The following ADAMTS18 variants were observed in gnomAD, a reference collection of about 807,000 sequenced individuals.
The protein encoded by ADAMTS18 is ADAM metallopeptidase with thrombospondin type 1 motif 18.
Under a neutral mutation model 165.9 loss-of-function variants are expected in ADAMTS18, and 157 were observed. The observed-to-expected ratio is 0.95, with a 90% confidence interval of 0.83 to 1.08. ADAMTS18 has a LOEUF of 1.08. Ranked by LOEUF, ADAMTS18 falls within the 50% of genes least tolerant of loss-of-function variation. ADAMTS18 has a pLI of 0.00. For missense variants in ADAMTS18, 2,040 were observed against 1,534.0 expected, an observed-to-expected ratio of 1.33 and a Z score of -5.51; for synonymous variants, 782 against 578.2, an observed-to-expected ratio of 1.35 and a Z score of -5.06.
At chr16:77,328,902 T>G (rs1256092872) in intron 12 of ADAMTS18, among the ~76,000 whole-genome samples, 2 of 152,174 alleles carry the variant, frequency 1.3e-5, no homozygotes, top group Non-Finnish European at 2.9e-5. Context: ...ACAAAACTTG[T>G]TGAAAGAGGG....
At chr16:77,413,935 T>C (rs745525536) in intron 3 of ADAMTS18, among the ~76,000 whole-genome samples, 2 of 152,136 alleles carry the variant, frequency 1.3e-5, no homozygotes, top group Non-Finnish European at 2.9e-5. Context: ...AAAAGAAACA[T>C]TTAATTTAGT....
chr16:77,379,972 T>C (rs1329643560), intron 3 of ADAMTS18, among the ~76,000 whole-genome samples: 1 of 152,324 alleles, frequency 6.6e-6, no homozygotes, highest in East Asian at 1.9e-4. Flanking sequence ...GCAGTGTCTA[T>C]GCACTCTCAG....
At chr16:77,370,271 A>C (rs1246002520) in intron 3 of ADAMTS18, among the ~76,000 whole-genome samples, 2 of 152,246 alleles carry the variant, frequency 1.3e-5, no homozygotes, top group African/African-American at 2.4e-5. Context: ...AGGGCATTCA[A>C]CTTAGAAAGG....
chr16:77,302,326 A>T (rs192789879), intron 16 of ADAMTS18, among the ~76,000 whole-genome samples: 3 of 152,328 alleles, frequency 2.0e-5, no homozygotes, highest in Non-Finnish European at 4.4e-5. Flanking sequence ...TTTCAAATGT[A>T]GCACTTATTT....
chr16:77,317,537 T>C (rs748313350), intron 16 of ADAMTS18, among the ~76,000 whole-genome samples: 1 of 152,234 alleles, frequency 6.6e-6, no homozygotes, highest in African/African-American at 2.4e-5. Context: ...TTCCGCCACG[T>C]TGGCCCAGCT....
chr16:77,311,184 A>G (rs1431929559), intron 16 of ADAMTS18, among the ~76,000 whole-genome samples: 1 of 152,192 alleles, frequency 6.6e-6, no homozygotes, highest in Admixed American at 6.5e-5. Flanking sequence ...TTACATCATC[A>G]TAAGGACTTA....
chr16:77,338,645 A>G (rs1164346326), intron 11 of ADAMTS18, among the ~76,000 whole-genome samples: 2 of 151,936 alleles, frequency 1.3e-5, no homozygotes, highest in African/African-American at 4.8e-5. Flanking sequence ...CCGTGCACAC[A>G]TATTTCTAGA....
chr16:77,359,014 A>T (rs897910241), intron 8 of ADAMTS18, among the ~76,000 whole-genome samples: 4 of 152,026 alleles, frequency 2.6e-5, no homozygotes, highest in African/African-American at 7.3e-5. Flanking sequence ...TGCATAAAGA[A>T]TCAGCTAGAA....
rs76643293 is a variant in ADAMTS18, at chr16:77,284,088, T to C, written c.3551-17A>G. 1.5e-5 allele frequency: 23 copies of C among 1,549,928 alleles called. No homozygotes were observed. In the East Asian group the frequency reaches 4.7e-4, roughly 32 times the overall value. ...ATGGATCCTCTAAAATAAGAAAATA[T>C]ATTTAGCATGTTGGCTAGGGTGTCT... On this transcript the variant is annotated splice_polypyrimidine_tract_variant and intron_variant, in intron 22 of 22. Coordinates refer to ENST00000282849, the MANE Select transcript of ADAMTS18 (RefSeq NM_199355.4).
chr16:77,381,543 C>A (rs1382462245), intron 3 of ADAMTS18, among the ~76,000 whole-genome samples: 1 of 152,148 alleles, frequency 6.6e-6, no homozygotes, highest in Non-Finnish European at 1.5e-5. Context: ...GTGGCTCACG[C>A]CTGTAATCCC....
At chr16:77,423,047 C>T (rs969481874) in intron 3 of ADAMTS18, among the ~76,000 whole-genome samples, 4 of 152,208 alleles carry the variant, frequency 2.6e-5, no homozygotes, top group African/African-American at 7.2e-5. Flanking sequence ...TCCCTAGGCT[C>T]TACCCAGGAC....
intron 10 of ADAMTS18, among the ~76,000 whole-genome samples, chr16:77,342,615 T>C (rs898781369): frequency 6.6e-6 from 1 of 152,202 alleles, no homozygotes; most frequent in East Asian, 1.9e-4. Context: ...TATTGCAGTT[T>C]TCAAATATGT....
chr16:77,334,778 AG>A (rs1274873650), intron 12 of ADAMTS18, among the ~76,000 whole-genome samples: 12 of 104,748 alleles, frequency 1.1e-4, no homozygotes, highest in African/African-American at 3.8e-4. Flanking sequence ...TATATACTAT[AG>A]TATACAGTAA....
chr16:77,306,015 C>T (rs1449424511), intron 16 of ADAMTS18, among the ~76,000 whole-genome samples: 1 of 152,174 alleles, frequency 6.6e-6, no homozygotes, highest in East Asian at 1.9e-4. Context: ...CCGCATCCCT[C>T]CCGTAATGGC....
intron 3 of ADAMTS18, among the ~76,000 whole-genome samples, chr16:77,401,795 G>T (rs902651648): frequency 1.3e-5 from 2 of 152,158 alleles, no homozygotes; most frequent in African/African-American, 4.8e-5. Flanking sequence ...GAGGAAGGAT[G>T]AATTTGATCT....
Position 77,434,488 on chromosome 16 carries a change from G to A in ADAMTS18, c.108C>T (p.Cys36=), listed in dbSNP as rs1229591837. Residue 36 remains cysteine, a synonymous_variant, in exon 2 of 23, where the codon TGC becomes TGT. Coordinates refer to ENST00000282849, the MANE Select transcript of ADAMTS18 (RefSeq NM_199355.4). ...CCGCGGCGACCGACGCACAGCAGAG[G>A]CAGCACAGCTGGAGCGCCTGCAAGA... ...GRVAKALQLC[C]LCCASVAAAL... 2 of 1,566,820 alleles carry A rather than the reference G, an allele frequency of 1.3e-6. No individual in the cohort carries two copies. The highest frequency in any genetic ancestry group is 1.7e-6 in the Non-Finnish European group (2 of 1,160,582).
chr16:77,364,163 G>A (rs371221989), intron 5 of ADAMTS18, 25 bp downstream of exon 5: 3 of 1,613,730 alleles, frequency 1.9e-6, no homozygotes, highest in Non-Finnish European at 2.5e-6. Context: ...TGGAGAGCCA[G>A]AAGGTTTGTG....
chr16:77,325,507 A>T (rs2056077403), intron 13 of ADAMTS18, among the ~76,000 whole-genome samples: 1 of 152,026 alleles, frequency 6.6e-6, no homozygotes, highest in Non-Finnish European at 1.5e-5. Context: ...TCTATGGGGT[A>T]TATATGGTTT....
intron 3 of ADAMTS18, among the ~76,000 whole-genome samples, chr16:77,414,623 T>G (rs760086523): frequency 6.6e-6 from 1 of 152,110 alleles, no homozygotes; most frequent in Admixed American, 6.5e-5. Context: ...GATGGTAGAG[T>G]TCCACACATC....
Sources: allele counts gnomAD v4.1 joint callset (sites outside exome capture counted in the v4.1 genomes callset), GRCh38; gene constraint gnomAD v4.1.1; transcripts MANE v1.5; gene names NCBI Gene and HGNC (gene_info 2026-07-23, HGNC 2026-07-21).